The following FMN2 variants were observed in gnomAD, a reference collection of about 807,000 sequenced individuals.
The protein encoded by FMN2 is formin-2.
FMN2 carries 51 observed loss-of-function variants against 142.3 expected under a neutral mutation model. The observed-to-expected ratio is 0.36, with a 90% confidence interval of 0.29 to 0.45. The LOEUF is 0.45. FMN2 is among the 20% of genes least tolerant of loss of function. The pLI is 1.00. For missense variants in FMN2, 1,936 were observed against 2,122.8 expected, an observed-to-expected ratio of 0.91 and a Z score of 1.73; for synonymous variants, 882 against 869.8, an observed-to-expected ratio of 1.01 and a Z score of -0.25.
intron 6 of FMN2, among the ~76,000 whole-genome samples, chr1:240,219,232 G>A (rs1211085920): frequency 6.6e-6 from 1 of 152,178 alleles, no homozygotes; most frequent in Non-Finnish European, 1.5e-5. Flanking sequence ...CTAGAAATAA[G>A]TGTGAGGACT....
chr1:240,132,999 G>C (rs1662801306), intron 2 of FMN2, among the ~76,000 whole-genome samples: 1 of 152,198 alleles, frequency 6.6e-6, no homozygotes, highest in East Asian at 1.9e-4. Context: ...GGTTCTCACA[G>C]TAGGGAGAGG....
intron 14 of FMN2, among the ~76,000 whole-genome samples, chr1:240,388,227 C>CAAAAAAAAAAAAAAAAAAAAAAAAAAAA (rs761610582): frequency 3.3e-4 from 2 of 6,054 alleles, no homozygotes; most frequent in Admixed American, 3.2e-3. Context: ...GTGCTCAAAG[C>CAAAAAAAAAAAAAAAAAAAAAAAAAAAA]AAAAAAAAAA....
At position 240,208,518 on chromosome 1, in the gene FMN2, C is replaced by G. The variant is rs200053623; in HGVS notation, c.3706C>G (p.Pro1236Ala). The change falls in exon 5 of 18, where the codon CCT (proline) becomes GCT (alanine). Residue 1236 changes from proline (P) to alanine (A), a missense_variant. Around this residue, in one of 8 missense-constraint regions of FMN2, gnomAD observed 259 missense variants for 230.9 expected, o/e 1.12. Coordinates refer to ENST00000319653, the MANE Select transcript of FMN2 (RefSeq NM_020066.5). ...ACCTGGGACAGGAATCCCACCGCCCCCTCTGCTTCCTGTATCAGGCCCTCC... is the reference window on the plus strand; with the variant it reads ...ACCTGGGACAGGAATCCCACCGCCCGCTCTGCTTCCTGTATCAGGCCCTCC... Reference protein sequence around the residue: ...PPPGTGIPPPPLLPVSGPPLL... With the variant: ...PPPGTGIPPPALLPVSGPPLL... 2.5e-6 allele frequency: 4 copies of G among 1,612,812 alleles called. No homozygotes were observed. The East Asian group carries it at 8.9e-5, about 36-fold the overall frequency.
intron 16 of FMN2, among the ~76,000 whole-genome samples, chr1:240,448,190 A>G (rs1675891788): frequency 6.6e-6 from 1 of 152,202 alleles, no homozygotes; most frequent in Non-Finnish European, 1.5e-5. Flanking sequence ...CTATTAAAAA[A>G]TTGCACAGCT....
intron 2 of FMN2, among the ~76,000 whole-genome samples, chr1:240,161,159 A>G (rs537159900): frequency 7.2e-5 from 11 of 152,246 alleles, no homozygotes; most frequent in African/African-American, 2.6e-4. Flanking sequence ...ATTAGATGCA[A>G]TTCTAATCAA....
chr1:240,162,668 T>G (rs1396766561), intron 2 of FMN2, among the ~76,000 whole-genome samples: 1 of 152,162 alleles, frequency 6.6e-6, no homozygotes, highest in Non-Finnish European at 1.5e-5. Context: ...CATTAGTTAT[T>G]TGTATCAATA....
At chr1:240,472,737 G>A (rs2103250488) in intron 17 of FMN2, among the ~76,000 whole-genome samples, 1 of 151,998 alleles carries the variant, frequency 6.6e-6, no homozygotes, top group Middle Eastern at 3.4e-3. Flanking sequence ...ATGAGGTCAG[G>A]CGATCGAGGC....
intron 2 of FMN2, among the ~76,000 whole-genome samples, chr1:240,160,745 A>G (rs1572003192): frequency 1.3e-5 from 2 of 152,018 alleles, no homozygotes; most frequent in African/African-American, 2.4e-5. Context: ...GTACTGAACA[A>G]TTATTCCTAT....
chr1:240,295,448 T>C (rs1208721775), intron 8 of FMN2, among the ~76,000 whole-genome samples: 1 of 152,164 alleles, frequency 6.6e-6, no homozygotes, highest in Non-Finnish European at 1.5e-5. Flanking sequence ...CCTATTTTCC[T>C]ACCTCCCACC....
chr1:240,257,896 A>G (rs1311650395), intron 6 of FMN2, 49 bp from the exon 7 acceptor site: 10 of 1,472,798 alleles, frequency 6.8e-6, no homozygotes, highest in Non-Finnish European at 9.5e-6. Flanking sequence ...TAGTAAGCAT[A>G]TTGGAGTTCA....
intron 13 of FMN2, among the ~76,000 whole-genome samples, chr1:240,338,916 G>A (rs1490776655): frequency 1.3e-5 from 2 of 152,156 alleles, no homozygotes; most frequent in Non-Finnish European, 2.9e-5. Flanking sequence ...ATCTGGGGGT[G>A]ATGGGAGACA....
In FMN2 at chr1:240,093,022, C is replaced by T; in HGVS notation, c.913C>T (p.Pro305Ser). The T allele has an allele frequency of 7.2e-7, 1 of 1,396,386 alleles. No homozygotes were observed. Among genetic ancestry groups the T allele is most frequent in the Non-Finnish European group, 9.2e-7 (1 of 1,083,644 alleles). The allele number at this position is 1,396,386 out of a possible 1,614,324, so 86.5% of individuals were successfully genotyped here. ...CGGCGGCCTCCCGGTCTCCGAGGCG[C>T]CCAGTCTCCCGGCAGCGCAACCCGC... ...SPGGLPVSEA[P>S]SLPAAQPAAK... is the part of the protein sequence containing the mutation. The change falls in exon 1 of 18, where the codon CCC becomes TCC. Residue 305 changes from proline to serine, a missense_variant. Pro to Ser is a moderately conservative substitution (Grantham distance 74). Around this residue, in one of 8 missense-constraint regions of FMN2, gnomAD observed 751 missense variants for 791.8 expected, o/e 0.95. Transcript: ENST00000319653.
At chr1:240,199,065 A>G (rs1236121525) in intron 4 of FMN2, among the ~76,000 whole-genome samples, 1 of 152,162 alleles carries the variant, frequency 6.6e-6, no homozygotes, top group Non-Finnish European at 1.5e-5. Context: ...AGACCGTGCC[A>G]TTGGACTCCA....
chr1:240,213,650 A>G (rs1666777084), intron 6 of FMN2, among the ~76,000 whole-genome samples: 1 of 152,234 alleles, frequency 6.6e-6, no homozygotes, highest in Admixed American at 6.5e-5. Flanking sequence ...ATTCATTTCC[A>G]GTAAAATTAA....
intron 14 of FMN2, among the ~76,000 whole-genome samples, chr1:240,359,084 C>T (rs1462956999): frequency 1.3e-5 from 2 of 152,100 alleles, no homozygotes; most frequent in Non-Finnish European, 2.9e-5. Flanking sequence ...GAGATTGTGC[C>T]ACTGCACTCC....
intron 6 of FMN2, among the ~76,000 whole-genome samples, chr1:240,222,100 C>T (rs986462951): frequency 4.6e-5 from 7 of 150,956 alleles, no homozygotes; most frequent in Non-Finnish European, 1.0e-4. Flanking sequence ...CTCAAGTCAC[C>T]CACCTGCCTC....
chr1:240,201,100 G>C lies in FMN2; in HGVS notation c.1987-5699G>C, dbSNP rs138319602. On this transcript the variant is annotated intron_variant, in intron 4 of 17. Transcript: ENST00000319653. ...ATTTTCTCAACTTTTTATTATCTAA[G>C]TACCCTCAATTATCAAGTTGTTTAA... Among the ~76,000 whole-genome samples, 1,271 of 152,090 alleles carry C rather than the reference G, an allele frequency of 8.4e-3. 15 individuals carry two copies. Among genetic ancestry groups the C allele is most frequent in the African/African-American group, 0.029 (1,208 of 41,458 alleles).
At chr1:240,392,036 G>A (rs1673620963) in intron 14 of FMN2, among the ~76,000 whole-genome samples, 1 of 151,796 alleles carries the variant, frequency 6.6e-6, no homozygotes, top group African/African-American at 2.4e-5. Context: ...CTGTTCACCT[G>A]TGGTCTGATA....
intron 15 of FMN2, among the ~76,000 whole-genome samples, chr1:240,402,407 A>G (rs1320540568): frequency 6.6e-6 from 1 of 152,242 alleles, no homozygotes; most frequent in Non-Finnish European, 1.5e-5. Context: ...TAGCTTTCGA[A>G]TAAATGGTTT....
Sources: allele counts gnomAD v4.1 joint callset (sites outside exome capture counted in the v4.1 genomes callset), GRCh38; gene constraint gnomAD v4.1.1; regional missense constraint gnomAD v4.1.1; transcripts MANE v1.5; gene names NCBI Gene and HGNC (gene_info 2026-07-23, HGNC 2026-07-21).